LRRC59: variants seen among roughly 807,000 people sequenced by gnomAD.
The protein encoded by LRRC59 is leucine rich repeat containing 59, also known as leucine-rich repeat-containing protein 59.
LRRC59 carries 18 observed loss-of-function variants against 33.5 expected under a neutral mutation model. The ratio of observed to expected loss-of-function variants is 0.54; its 90% CI spans 0.37 to 0.80. The LOEUF (loss-of-function observed/expected upper bound fraction) is 0.80. Among genes scored for constraint, LRRC59 ranks in the 30% least tolerant of loss-of-function variants. LRRC59 has a pLI of 0.00. For synonymous variants in LRRC59, 138 were observed against 160.0 expected, an observed-to-expected ratio of 0.86 and a Z score of 1.04; for missense variants, 330 against 391.9, an observed-to-expected ratio of 0.84 and a Z score of 1.33.
Position 50,385,099 on chromosome 17 carries a change from C to A in LRRC59, c.676+19G>T, listed in dbSNP as rs758304174. ...CCACTGTACCCCTGCTGGAATCTTA[C>A]AACAGGCAGAAAACTTACTCGGGGC... On this transcript the variant is annotated intron_variant, in intron 6 of 6. Coordinates refer to ENST00000225972, the MANE Select transcript of LRRC59 (RefSeq NM_018509.4). The A allele has an allele frequency of 1.2e-5, 19 of 1,610,448 alleles. No homozygotes were observed. The East Asian group carries it at 1.3e-4, about 11-fold the overall frequency.
At chr17:50,390,109 A>AAAAG (rs1306737941) in intron 4 of LRRC59, among the ~76,000 whole-genome samples, 4 of 151,272 alleles carry the variant, frequency 2.6e-5, no homozygotes, top group African/African-American at 9.7e-5. Flanking sequence ...AAAAAAAAAA[A>AAAAG]AAAAAAAGAA....
In LRRC59 at chr17:50,397,413, A is replaced by C; in HGVS notation, c.-96T>G. Reference sequence around the variant, plus strand: ...AGTTCAGCGGCCCCCCACCCAAACGACGACGCCTGAGCCCTCCGTCGCCGC... The same window carrying C: ...AGTTCAGCGGCCCCCCACCCAAACGCCGACGCCTGAGCCCTCCGTCGCCGC... On this transcript the variant is annotated 5_prime_UTR_variant, in exon 1 of 7. Transcript: ENST00000225972. 2.2e-6 allele frequency: 2 copies of C among 904,062 alleles called. No homozygotes were observed. The highest frequency in any genetic ancestry group is 3.2e-6 in the Non-Finnish European group (2 of 624,240). The allele number at this position is 904,062 out of a possible 1,614,324, so 56.0% of individuals were successfully genotyped here.
intron 6 of LRRC59, 34 bp from the exon 7 acceptor site, chr17:50,383,269 C>A: frequency 6.5e-7 from 1 of 1,543,986 alleles, no homozygotes; most frequent in South Asian, 1.2e-5. Flanking sequence ...AAAGCAAGTT[C>A]AGTCAGAGGA....
intron 3 of LRRC59, 32 bp downstream of exon 3, chr17:50,392,707 T>C (rs1266841442): frequency 6.2e-7 from 1 of 1,608,022 alleles, no homozygotes; most frequent in Non-Finnish European, 8.5e-7. Context: ...TCTGCCACCC[T>C]GGCCATGAAA....
At position 50,388,069 on chromosome 17, in the gene LRRC59, C is replaced by T; in HGVS notation, c.493G>A (p.Val165Ile). ...AGGGACAGCCACCTACCACGTTCTA[C>T]TTCCAGCCGCCGCTGCCTCTCCCGC... ...QERERQRRLEVEREAEKKREA... is the reference protein window; with the variant it reads ...QERERQRRLEIEREAEKKREA... The change falls in exon 5 of 7, where the codon GTA becomes ATA. Residue 165 changes from valine (V) to isoleucine (I), a missense_variant. By Grantham distance (29) the Val-to-Ile change is conservative (BLOSUM62 3). Coordinates refer to ENST00000225972, the MANE Select transcript of LRRC59 (RefSeq NM_018509.4). The T allele has an allele frequency of 1.9e-6, 3 of 1,614,240 alleles. No individual in the cohort carries two copies. Among genetic ancestry groups the T allele is most frequent in the Non-Finnish European group, 2.5e-6 (3 of 1,180,040 alleles).
At chr17:50,388,348 C>T (rs772192092) in intron 4 of LRRC59, among the ~76,000 whole-genome samples, 9 of 152,102 alleles carry the variant, frequency 5.9e-5, no homozygotes, top group Non-Finnish European at 1.2e-4. Flanking sequence ...AGACAAGCCT[C>T]GGCAACATAA....
chr17:50,390,209 G>A (rs767115393), intron 4 of LRRC59, among the ~76,000 whole-genome samples: 3 of 152,122 alleles, frequency 2.0e-5, no homozygotes. Flanking sequence ...ATGATTGCAG[G>A]GAGAGTGTGG....
chr17:50,383,122 C>T lies in LRRC59; in HGVS notation c.790G>A (p.Val264Ile). ...LLLFGVAGGL[V>I]ACRVTELQQQ... The stretch of plus-strand genomic sequence containing the variant: ...TGCAGCTCTGTCACCCGACAAGCAA[C>T]CAGCCCTCCCGCCACACCAAATAGC... Residue 264 changes from valine (V) to isoleucine (I), a missense_variant, in exon 7 of 7, where the codon GTT becomes ATT. By Grantham distance (29) the Val-to-Ile change is conservative. Transcript: ENST00000225972. 1 of 1,556,150 alleles carries T rather than the reference C, an allele frequency of 6.4e-7. No individual in the cohort carries two copies. The highest frequency in any genetic ancestry group is 1.4e-5 in the African/African-American group (1 of 73,510).
At chr17:50,391,484 C>T (rs1914142468) in intron 4 of LRRC59, among the ~76,000 whole-genome samples, 1 of 152,168 alleles carries the variant, frequency 6.6e-6, no homozygotes, top group South Asian at 2.1e-4. Context: ...TCATCTGGTG[C>T]TCAGCTGAAG....
intron 2 of LRRC59, among the ~76,000 whole-genome samples, chr17:50,393,129 C>T (rs1235006539): frequency 2.6e-5 from 4 of 152,230 alleles, no homozygotes; most frequent in Non-Finnish European, 5.9e-5. Flanking sequence ...TGGGCTCACA[C>T]ACTTCGGTGT....
In LRRC59 at chr17:50,382,120, G is replaced by A. The variant is rs1315252002; in HGVS notation, c.*868C>T. The stretch of plus-strand genomic sequence containing the variant: ...AATTAGGCAAGGAGCCTGGACTGTT[G>A]CCATTTTATGGAAGCCACATAAGTT... On this transcript the variant is annotated 3_prime_UTR_variant, in exon 7 of 7. Transcript: ENST00000225972. 1 of 152,638 alleles carries A rather than the reference G, an allele frequency of 6.6e-6. No homozygotes were observed. Among genetic ancestry groups the A allele is most frequent in the Non-Finnish European group, 1.5e-5 (1 of 68,038 alleles). The allele number at this position is 152,638 out of a possible 1,614,324, so 9.5% of individuals were successfully genotyped here.
intron 1 of LRRC59, among the ~76,000 whole-genome samples, 195 bp from the exon 2 acceptor site, chr17:50,395,183 A>G (rs183392781): frequency 5.9e-5 from 9 of 152,294 alleles, no homozygotes; most frequent in African/African-American, 1.9e-4. Context: ...GAATGCAAAG[A>G]GAAGGGATGT....
chr17:50,387,943 C>T (rs1003964375), intron 5 of LRRC59, 117 bp downstream of exon 5: 2 of 951,666 alleles, frequency 2.1e-6, no homozygotes, highest in Non-Finnish European at 3.4e-6. Flanking sequence ...ACTGTCCCCC[C>T]ACCGCCCACT....
chr17:50,387,316 G>A (rs1914033767), intron 5 of LRRC59, among the ~76,000 whole-genome samples: 1 of 152,190 alleles, frequency 6.6e-6, no homozygotes. Flanking sequence ...ACTGCAGTTG[G>A]TGTACTCAAG....
At chr17:50,394,897 CAGA>C in intron 2 of LRRC59, 29 bp downstream of exon 2, 1 of 1,528,820 alleles carries the variant, frequency 6.5e-7, no homozygotes, top group Non-Finnish European at 9.0e-7. Flanking sequence ...TCCAAGGCAC[CAGA>C]AGGAGTCACG....
intron 4 of LRRC59, among the ~76,000 whole-genome samples, chr17:50,388,829 C>T (rs1914074044): frequency 6.6e-6 from 1 of 152,166 alleles, no homozygotes; most frequent in East Asian, 1.9e-4. Context: ...TTAAGTCCCC[C>T]TCCATCTACT....
Position 50,382,939 on chromosome 17 carries a change from T to C in LRRC59, c.*49A>G, listed in dbSNP as rs1453779787. On this transcript the variant is annotated 3_prime_UTR_variant, in exon 7 of 7. Coordinates refer to ENST00000225972, the MANE Select transcript of LRRC59 (RefSeq NM_018509.4). The stretch of plus-strand genomic sequence containing the variant: ...TTGTGTCCAGCAGAACCCAATTCCA[T>C]AGGAATCCAAACTCCAAGGCTGGGA... The C allele has an allele frequency of 1.9e-6, 3 of 1,591,690 alleles. No individual in the cohort carries two copies. The highest frequency in any genetic ancestry group is 2.2e-5 in the East Asian group (1 of 44,566).
In LRRC59 at chr17:50,394,734, A is replaced by G. The variant is rs574882744; in HGVS notation, c.165+195T>C. Among the ~76,000 whole-genome samples the G allele has an allele frequency of 3.7e-4, 57 of 152,276 alleles. 1 individual carries two copies. The highest frequency in any genetic ancestry group is 1.3e-3 in the African/African-American group (53 of 41,564). ...TCTGAAGAATGAGGCCTCCATCTCA[A>G]TTCCTTTCCCACTGAGACCAACCAC... On this transcript the variant is annotated intron_variant, in intron 2 of 6. Coordinates refer to ENST00000225972, the MANE Select transcript of LRRC59 (RefSeq NM_018509.4).
chr17:50,389,539 T>G (rs539123955), intron 4 of LRRC59, among the ~76,000 whole-genome samples: 18 of 152,188 alleles, frequency 1.2e-4, no homozygotes, highest in Non-Finnish European at 1.9e-4. Context: ...TCTCTGGCAT[T>G]ATATGTGCTC....
Sources: allele counts gnomAD v4.1 joint callset (sites outside exome capture counted in the v4.1 genomes callset), GRCh38; gene constraint gnomAD v4.1.1; transcripts MANE v1.5; gene names NCBI Gene and HGNC (gene_info 2026-07-23, HGNC 2026-07-21).